Variants in ATRNL1 observed in about 807,000 individuals in gnomAD.
The protein encoded by ATRNL1 is attractin like 1.
A neutral mutation model predicts 182.7 loss-of-function variants in ATRNL1; 95 were observed. The observed-to-expected ratio is 0.52, with a 90% CI of 0.44 to 0.62. The LOEUF (loss-of-function observed/expected upper bound fraction) is 0.62. Among genes scored for constraint, ATRNL1 ranks in the 20% least tolerant of loss-of-function variants. The pLI, the probability that ATRNL1 is intolerant of heterozygous loss-of-function variation, is 0.00. For synonymous variants in ATRNL1, 576 were observed against 568.3 expected (o/e 1.01, Z -0.19); for missense variants, 1,471 against 1,679.5 (o/e 0.88, Z 2.17).
chr10:115,369,281 T>G (rs1199336088), intron 19 of ATRNL1, among the ~76,000 whole-genome samples: 4 of 148,784 alleles, frequency 2.7e-5, no homozygotes, highest in Admixed American at 1.3e-4. Context: ...GGGGTAATTC[T>G]TTGAAGGGGA....
At chr10:115,255,003 T>G (rs1424352269) in intron 10 of ATRNL1, among the ~76,000 whole-genome samples, 1 of 152,222 alleles carries the variant, frequency 6.6e-6, no homozygotes, top group Admixed American at 6.5e-5. Context: ...ATATCTCTGT[T>G]TTGGTACCAG....
chr10:115,626,376 A>G (rs1858103126), intron 26 of ATRNL1, among the ~76,000 whole-genome samples: 1 of 152,172 alleles, frequency 6.6e-6, no homozygotes, highest in Non-Finnish European at 1.5e-5. Flanking sequence ...TCTGGTAATC[A>G]TCATACTTAG....
At chr10:115,216,188 GT>G (rs1564826992) in intron 9 of ATRNL1, among the ~76,000 whole-genome samples, 1 of 152,100 alleles carries the variant, frequency 6.6e-6, no homozygotes. Context: ...TTCACCTTTT[GT>G]TGTTATAAAC....
chr10:115,096,904 G>T, intron 1 of ATRNL1: 1 of 716,298 alleles, frequency 1.4e-6, no homozygotes, highest in Non-Finnish European at 1.8e-6. Flanking sequence ...ATTGAGAATA[G>T]GAAAATATAT....
intron 28 of ATRNL1, among the ~76,000 whole-genome samples, chr10:115,905,737 C>T (rs1952484002): frequency 6.6e-6 from 1 of 152,134 alleles, no homozygotes; most frequent in African/African-American, 2.4e-5. Flanking sequence ...TGTTCTTAAC[C>T]TGGTTATTCC....
intron 19 of ATRNL1, among the ~76,000 whole-genome samples, chr10:115,355,653 C>T (rs1270866182): frequency 6.6e-6 from 1 of 151,876 alleles, no homozygotes; most frequent in East Asian, 1.9e-4. Flanking sequence ...AAAAAAAATT[C>T]CAATCCTATA....
intron 13 of ATRNL1, among the ~76,000 whole-genome samples, chr10:115,275,862 A>G (rs1387359203): frequency 2.6e-5 from 4 of 152,178 alleles, no homozygotes; most frequent in African/African-American, 9.7e-5. Context: ...ACCAAGGCAG[A>G]TCCAGCATTT....
In ATRNL1 at chr10:115,445,430, C is replaced by CAAA. The variant is rs34068379; in HGVS notation, c.3323-16484_3323-16482dup. 2.3e-4 allele frequency among the ~76,000 whole-genome samples: 6 copies of CAAA among 26,120 alleles called. 1 individual carries two copies. Among genetic ancestry groups the CAAA allele is most frequent in the African/African-American group, 5.3e-4 (3 of 5,630 alleles). The allele number at this position is 26,120 out of a possible 152,430, so 17.1% of individuals were successfully genotyped here. The stretch of plus-strand genomic sequence containing the variant: ...TGGGTGACAGAGTGAGATTTCGCCT[C>CAAA]AAAAAAAAAAAAAAAAAAAAAAAAA... On this transcript the variant is annotated intron_variant, in intron 21 of 28. Transcript: ENST00000355044.
chr10:115,944,541 C>A, intron 28 of ATRNL1, 117 bp from the exon 29 acceptor site: 1 of 815,232 alleles, frequency 1.2e-6, no homozygotes, highest in Non-Finnish European at 1.8e-6. Context: ...CTTCCATTAA[C>A]AGCCAAACGT....
chr10:115,368,386 G>A (rs1011514398), intron 19 of ATRNL1, among the ~76,000 whole-genome samples: 8 of 152,260 alleles, frequency 5.3e-5, no homozygotes, highest in East Asian at 1.9e-4. Flanking sequence ...TTCGGCTCGC[G>A]CACGGTGCAC....
chr10:115,196,165 C>CTGAA (rs148624774), intron 8 of ATRNL1, among the ~76,000 whole-genome samples: 2,535 of 151,836 alleles, frequency 0.017, 59 homozygotes, highest in African/African-American at 0.053. Context: ...AACCCTGTGC[C>CTGAA]TGAATGAATG....
At chr10:115,426,396 A>T (rs1845893453) in intron 21 of ATRNL1, 94 bp downstream of exon 21, 1 of 821,350 alleles carries the variant, frequency 1.2e-6, no homozygotes, top group Non-Finnish European at 1.9e-6. Flanking sequence ...ATTGTCATGA[A>T]TATCTTGCAA....
intron 26 of ATRNL1, among the ~76,000 whole-genome samples, chr10:115,589,791 A>G (rs1336809899): frequency 6.6e-6 from 1 of 152,168 alleles, no homozygotes; most frequent in Non-Finnish European, 1.5e-5. Context: ...TGGATCAAAA[A>G]TGTCAAATTG....
intron 8 of ATRNL1, among the ~76,000 whole-genome samples, chr10:115,177,306 G>A (rs1396123563): frequency 1.3e-5 from 2 of 152,126 alleles, no homozygotes; most frequent in African/African-American, 4.8e-5. Context: ...AATGAGAGAA[G>A]TAGAAGTGGA....
In ATRNL1 at chr10:115,429,411, A is replaced by G. The variant is rs540183738; in HGVS notation, c.3322+3109A>G. Among the ~76,000 whole-genome samples, 220 of 152,158 alleles carry G rather than the reference A, an allele frequency of 1.4e-3. 1 individual carries two copies. The highest frequency in any genetic ancestry group is 3.4e-3 in the Middle Eastern group (1 of 294). ...CCCTTATTGGGATGTTGAGACCTCT[A>G]TTTCTGGGCTGAATCACAGTGATGA... On this transcript the variant is annotated intron_variant, in intron 21 of 28. Coordinates refer to ENST00000355044, the MANE Select transcript of ATRNL1 (RefSeq NM_207303.4).
intron 24 of ATRNL1, among the ~76,000 whole-genome samples, chr10:115,499,401 T>G (rs578225641): frequency 6.6e-6 from 1 of 152,306 alleles, no homozygotes; most frequent in South Asian, 2.1e-4. Context: ...GTTTTTACTT[T>G]GAACATTGAG....
chr10:115,522,708 C>A (rs1211926565), intron 25 of ATRNL1, among the ~76,000 whole-genome samples: 6 of 152,100 alleles, frequency 3.9e-5, no homozygotes, highest in Non-Finnish European at 8.8e-5. Flanking sequence ...ATCTGAGACT[C>A]AAAGCAAGTT....
At position 115,588,941 on chromosome 10, in the gene ATRNL1, C is replaced by T. The variant is rs376956331; in HGVS notation, c.3795+39405C>T. ...AATTTCCTTGCAGTTTTTGCATTTT[C>T]CATGTTTAGCATTCTTTTCAAAGGA... On this transcript the variant is annotated intron_variant, in intron 26 of 28. Transcript: ENST00000355044. Among the ~76,000 whole-genome samples the T allele has an allele frequency of 3.9e-5, 6 of 152,104 alleles. No individual in the cohort carries two copies. In the East Asian group the frequency reaches 9.6e-4, roughly 24 times the overall value.
intron 26 of ATRNL1, among the ~76,000 whole-genome samples, chr10:115,568,408 C>T (rs1854194433): frequency 6.6e-6 from 1 of 151,950 alleles, no homozygotes; most frequent in South Asian, 2.1e-4. Flanking sequence ...ATTACTAAAG[C>T]TATGTTCTTT....
Sources: gnomAD v4.1 joint callset for allele counts (sites outside exome capture counted in the v4.1 genomes callset) on GRCh38, gnomAD v4.1.1 for gene constraint, MANE v1.5 for transcripts, NCBI Gene and HGNC (gene_info 2026-07-23, HGNC 2026-07-21) for gene names.